The following MAP1A variants were observed in gnomAD, a reference collection of about 807,000 sequenced individuals.
MAP1A encodes microtubule associated protein 1A, also known as microtubule-associated protein 1A.
A neutral mutation model predicts 185.9 loss-of-function variants in MAP1A; 42 were observed. The ratio of observed to expected loss-of-function variants is 0.23; its 90% CI spans 0.18 to 0.29. The LOEUF (loss-of-function observed/expected upper bound fraction) is 0.29, where lower values mean the gene tolerates loss of function less well. Ranked by LOEUF, MAP1A falls within the 10% of genes least tolerant of loss-of-function variation. The pLI is 1.00. For synonymous variants in MAP1A, 1,229 were observed against 1,335.9 expected (o/e 0.92, Z 1.74); for missense variants, 2,995 against 3,450.4 (o/e 0.87, Z 3.31).
rs2079367080 is a variant in MAP1A at position 43,530,369 on chromosome 15, T to TG, written c.*148dup. 2 of 985,724 alleles carry TG rather than the reference T, an allele frequency of 2.0e-6. No homozygotes were observed. The highest frequency in any genetic ancestry group is 2.9e-6 in the Non-Finnish European group (2 of 680,268). The allele number at this position is 985,724 out of a possible 1,614,324, so 61.1% of individuals were successfully genotyped here. ...TTGTGGGGACTTGGGCTGGGCTAAA[T>TG]GGGAGGGGTTGTCCCTCCCCATCAT... On this transcript the variant is annotated 3_prime_UTR_variant, in exon 6 of 6. Transcript: ENST00000300231.
chr15:43,522,046 C>T lies in MAP1A; in HGVS notation c.573C>T (p.His191=). 6.2e-7 allele frequency: 1 copy of T among 1,614,146 alleles called. No homozygotes were observed. The highest frequency in any genetic ancestry group is 8.5e-7 in the Non-Finnish European group (1 of 1,180,004). The change falls in exon 4 of 6, where the codon CAC becomes CAT. Residue 191 remains histidine, a synonymous_variant. Coordinates refer to ENST00000300231, the MANE Select transcript of MAP1A (RefSeq NM_002373.6). This position sits in a 1 kb window ranked among gnomAD's most constrained non-coding sequence, Gnocchi z 5.9. ...SNTIEPLTLF[H]KMGVGRLDMY... is the part of the protein sequence containing the mutation. The stretch of plus-strand genomic sequence containing the variant: ...CCATTGAGCCACTGACCCTCTTCCA[C>T]AAAATGGGTGTGGGCCGGCTGGACA...
rs1475426117 is a variant in MAP1A at position 43,528,300 on chromosome 15, C to T, written c.6827C>T (p.Ser2276Phe). The part of the protein sequence containing the change: ...PVISSVAERF[S>F]PSLEAAEQES... ...ATTTCAAGTGTGGCGGAGCGCTTCT[C>T]TCCAAGCCTTGAGGCTGCAGAACAG... Residue 2276 changes from serine to phenylalanine, a missense_variant, in exon 4 of 6, where the codon TCT becomes TTT. Ser to Phe is a radical substitution (Grantham distance 155). Transcript: ENST00000300231. 1 of 1,614,000 alleles carries T rather than the reference C, an allele frequency of 6.2e-7. No individual in the cohort carries two copies. Among genetic ancestry groups the T allele is most frequent in the Non-Finnish European group, 8.5e-7 (1 of 1,180,050 alleles).
Position 43,521,396 on chromosome 15 carries a change from G to A in MAP1A, c.-78G>A. 1 of 1,613,980 alleles carries A rather than the reference G, an allele frequency of 6.2e-7. No homozygotes were observed. The highest frequency in any genetic ancestry group is 8.5e-7 in the Non-Finnish European group (1 of 1,179,976). On this transcript the variant is annotated 5_prime_UTR_variant, in exon 4 of 6. Transcript: ENST00000300231. This position sits in a 1 kb window ranked among gnomAD's most constrained non-coding sequence, Gnocchi z 4.6. ...TACCGTGTCCTGCTTAGGGGAAGGT[G>A]ATTGGAGCCACCTGGGATTATCCAG...
Position 43,526,856 on chromosome 15 carries a change from A to C in MAP1A, c.5383A>C (p.Ile1795Leu), listed in dbSNP as rs758619468. The change falls in exon 4 of 6, where the codon ATC becomes CTC. Residue 1795 changes from isoleucine to leucine, a missense_variant. Ile to Leu is a conservative substitution (Grantham distance 5, BLOSUM62 2). Coordinates refer to ENST00000300231, the MANE Select transcript of MAP1A (RefSeq NM_002373.6). The surrounding 1 kb of genome is among the most constrained non-coding windows in gnomAD (Gnocchi z 4.7). ...CAAACTGACCCGCTCTCCCTTTGAG[A>C]TCATCTCCCCTCCAGCTTCCCCACC... Reference protein sequence around the residue: ...EDKLTRSPFEIISPPASPPEM... With the variant: ...EDKLTRSPFELISPPASPPEM... 7.4e-6 allele frequency: 12 copies of C among 1,614,026 alleles called. No homozygotes were observed. The highest frequency in any genetic ancestry group is 1.0e-5 in the Non-Finnish European group (12 of 1,179,988).
rs898718782 is a variant in MAP1A, at chr15:43,530,351, G to T, written c.*127G>T. 1.7e-4 allele frequency: 211 copies of T among 1,250,856 alleles called. No homozygotes were observed. The highest frequency in any genetic ancestry group is 6.6e-4 in the Admixed American group (27 of 40,766). The allele number at this position is 1,250,856 out of a possible 1,614,324, so 77.5% of individuals were successfully genotyped here. ...GGGGAGGGAGATGTCTTGTTGTGGG[G>T]ACTTGGGCTGGGCTAAATGGGAGGG... On this transcript the variant is annotated 3_prime_UTR_variant, in exon 6 of 6. Transcript: ENST00000300231.
At position 43,523,730 on chromosome 15, in the gene MAP1A, G is replaced by A; in HGVS notation, c.2257G>A (p.Glu753Lys). The A allele has an allele frequency of 6.2e-7, 1 of 1,613,998 alleles. No homozygotes were observed. Among genetic ancestry groups the A allele is most frequent in the Non-Finnish European group, 8.5e-7 (1 of 1,179,968 alleles). Residue 753 changes from glutamate (E) to lysine (K), a missense_variant, in exon 4 of 6, where the codon GAG (glutamate) becomes AAG (lysine). Physicochemically the swap from Glu to Lys is moderately conservative, Grantham distance 56. Coordinates refer to ENST00000300231, the MANE Select transcript of MAP1A (RefSeq NM_002373.6). ...AGAGACTGAGCAGACCATCTCAGAT[G>A]AGGAGATCCATGATGAGCCGGAGGA... ...YSETEQTISD[E>K]EIHDEPEERP...
upstream of MAP1A, among the ~76,000 whole-genome samples, chr15:43,512,821 A>C (rs1236961297): frequency 6.6e-6 from 1 of 152,186 alleles, no homozygotes; most frequent in African/African-American, 2.4e-5. Flanking sequence ...GGCACCATCA[A>C]ATCCAGAGTG....
exon 1 of MAP1A, chr15:43,510,965 G>T: frequency 6.7e-7 from 1 of 1,495,468 alleles, no homozygotes; most frequent in South Asian, 1.2e-5. Context: ...GAAGCTGCCG[G>T]ACTAACACTC....
rs771816025 is a variant in MAP1A at position 43,524,934 on chromosome 15, C to T, written c.3461C>T (p.Ser1154Phe). 5 of 1,614,062 alleles carry T rather than the reference C, an allele frequency of 3.1e-6. No individual in the cohort carries two copies. Among genetic ancestry groups the T allele is most frequent in the Non-Finnish European group, 4.2e-6 (5 of 1,180,038 alleles). The change falls in exon 4 of 6, where the codon TCT becomes TTT. Residue 1154 changes from serine (S) to phenylalanine (F), a missense_variant. Coordinates refer to ENST00000300231, the MANE Select transcript of MAP1A (RefSeq NM_002373.6). ...SLSPEDAESL[S>F]VLSVPSPDTA... ...TCTCCTGAAGATGCAGAATCCCTCT[C>T]TGTCCTCAGCGTGCCCTCCCCAGAC...
rs752880320 is a variant in MAP1A at position 43,525,186 on chromosome 15, G to A, written c.3713G>A (p.Gly1238Glu). The A allele has an allele frequency of 1.2e-6, 2 of 1,614,060 alleles. No homozygotes were observed. Among genetic ancestry groups the A allele is most frequent in the Non-Finnish European group, 1.7e-6 (2 of 1,180,016 alleles). ...GELNLGKEEM[G>E]HLMQAEDTSH... ...CTAAACCTTGGGAAGGAAGAAATGG[G>A]GCATCTGATGCAGGCCGAGGATACC... Residue 1238 changes from glycine to glutamate, a missense_variant, in exon 4 of 6, where the codon GGG (glycine) becomes GAG (glutamate). Gly to Glu is a moderately conservative substitution (Grantham distance 98). Around this residue, in one of 3 missense-constraint regions of MAP1A, gnomAD observed 2,728 missense variants for 2,986.0 expected, o/e 0.91. Coordinates refer to ENST00000300231, the MANE Select transcript of MAP1A (RefSeq NM_002373.6).
chr15:43,523,584 T>G lies in MAP1A; in HGVS notation c.2111T>G (p.Leu704Trp). 6.2e-7 allele frequency: 1 copy of G among 1,614,084 alleles called. No individual in the cohort carries two copies. Among genetic ancestry groups the G allele is most frequent in the Non-Finnish European group, 8.5e-7 (1 of 1,180,006 alleles). ...CGGGAGGCTTTTGGGGGTCGGGAAT[T>G]GGGACTCCAGGGCAAGGCCCCTGAG... is the stretch of plus-strand genomic sequence containing the variant. ...RSREAFGGRE[L>W]GLQGKAPEKE... is the part of the protein sequence containing the mutation. Residue 704 changes from leucine (L) to tryptophan (W), a missense_variant, in exon 4 of 6, where the codon TTG becomes TGG. This residue lies in a region of MAP1A where 2,728 missense variants were observed against 2,986.0 expected (regional missense o/e 0.91). Coordinates refer to ENST00000300231, the MANE Select transcript of MAP1A (RefSeq NM_002373.6).
At chr15:43,518,853 T>A (rs2079309141) in intron 1 of MAP1A, among the ~76,000 whole-genome samples, 1 of 152,032 alleles carries the variant, frequency 6.6e-6, no homozygotes. Flanking sequence ...CTCCCAGGCC[T>A]GAAAAAGAGA....
intron 2 of MAP1A, 44 bp downstream of exon 2, chr15:43,520,767 T>C: frequency 6.9e-7 from 1 of 1,457,532 alleles, no homozygotes; most frequent in Non-Finnish European, 9.4e-7. Context: ...CTGGTGCAAG[T>C]GCTATACCCA....
Position 43,528,096 on chromosome 15 carries a change from C to T in MAP1A, c.6623C>T (p.Pro2208Leu), listed in dbSNP as rs750415956. The T allele has an allele frequency of 2.9e-5, 46 of 1,613,934 alleles. No homozygotes were observed. In the South Asian group the frequency reaches 4.2e-4, roughly 15 times the overall value. ...CGAGCTCTGGCTCTGGCTCCAGGAC[C>T]CCCCACCAGAACCCGGCATGATGAA... is the stretch of plus-strand genomic sequence containing the variant. ...GDRALALAPG[P>L]PTRTRHDEYL... is the part of the protein sequence containing the mutation. The change falls in exon 4 of 6, where the codon CCC becomes CTC. Residue 2208 changes from proline to leucine, a missense_variant. Coordinates refer to ENST00000300231, the MANE Select transcript of MAP1A (RefSeq NM_002373.6).
At position 43,511,042 on chromosome 15, in the gene MAP1A, TC is replaced by T. The variant is rs1239222643; in HGVS notation, c.56del (p.Pro19ArgfsTer40). On this transcript the variant is annotated frameshift_variant, in exon 1 of 7. Transcript: ENST00000382031. LOFTEE classifies it high-confidence loss of function. ...CTCACGGCGTTGCCATGGAGACAAC[TC>T]CGGGGCTGGGGCTCCGAAGTCCCGG... 1.4e-5 allele frequency: 22 copies of T among 1,548,930 alleles called. No homozygotes were observed. The highest frequency in any genetic ancestry group is 1.7e-5 in the Non-Finnish European group (20 of 1,146,340).
rs2140205558 is a variant in MAP1A, at chr15:43,522,461, G to A, written c.988G>A (p.Ala330Thr). 1.9e-6 allele frequency: 3 copies of A among 1,614,120 alleles called. No homozygotes were observed. The highest frequency in any genetic ancestry group is 2.5e-6 in the Non-Finnish European group (3 of 1,180,012). ...GAGCCTCAAAGCCACTACCAAGACG[G>A]CCGTGAGCAAGTTGGCCAAACGGGA... is the stretch of plus-strand genomic sequence containing the variant. ...KESLKATTKT[A>T]VSKLAKREEV... The change falls in exon 4 of 6, where the codon GCC (alanine) becomes ACC (threonine). Residue 330 changes from alanine to threonine, a missense_variant. Physicochemically the swap from Ala to Thr is moderately conservative, Grantham distance 58. This residue lies in a region of MAP1A where 264 missense variants were observed against 435.3 expected (regional missense o/e 0.61). Coordinates refer to ENST00000300231, the MANE Select transcript of MAP1A (RefSeq NM_002373.6). This position sits in a 1 kb window ranked among gnomAD's most constrained non-coding sequence, Gnocchi z 5.9.
In MAP1A at chr15:43,529,357, C is replaced by T. The variant is rs1295732696; in HGVS notation, c.7884C>T (p.Arg2628=). 4 of 1,613,998 alleles carry T rather than the reference C, an allele frequency of 2.5e-6. No homozygotes were observed. The highest frequency in any genetic ancestry group is 3.4e-6 in the Non-Finnish European group (4 of 1,180,026). ...PARRLDLRGK[R]SPTPGKGPAD... Reference sequence around the variant, plus strand: ...GGCGTCTGGATCTTCGGGGAAAACGCTCACCCACCCCTGGTAAAGGGCCTG... The same window carrying T: ...GGCGTCTGGATCTTCGGGGAAAACGTTCACCCACCCCTGGTAAAGGGCCTG... The change falls in exon 4 of 6, where the codon CGC becomes CGT. Residue 2628 remains arginine (R), a synonymous_variant. Transcript: ENST00000300231. This position sits in a 1 kb window ranked among gnomAD's most constrained non-coding sequence, Gnocchi z 4.3.
At chr15:43,512,437 C>T (rs754002799) in intron 2 of MAP1A, 6 of 634,628 alleles carry the variant, frequency 9.5e-6, no homozygotes, top group Non-Finnish European at 1.4e-5. Flanking sequence ...AATTCCATAG[C>T]TGTCCCCACA....
In MAP1A at chr15:43,512,403, C is replaced by T. The variant is rs923087586; in HGVS notation, c.340+112C>T. ...GTTTGAGTGGAGGAGAAGGGAGGAACTTTATAGAGGAGGAAAATCATGGAA... is the reference window on the plus strand; with the variant it reads ...GTTTGAGTGGAGGAGAAGGGAGGAATTTTATAGAGGAGGAAAATCATGGAA... On this transcript the variant is annotated intron_variant, in intron 2 of 6. Transcript: ENST00000382031. The T allele has an allele frequency of 1.7e-5, 12 of 709,094 alleles. No individual in the cohort carries two copies. In the African/African-American group the frequency reaches 2.1e-4, roughly 13 times the overall value. 43.9% of individuals were successfully genotyped at this position (709,094 alleles called of 1,614,324 possible).
Sources: allele counts gnomAD v4.1 joint callset (sites outside exome capture counted in the v4.1 genomes callset), GRCh38; gene constraint gnomAD v4.1.1; regional missense constraint gnomAD v4.1.1; non-coding constraint Gnocchi (gnomAD v3.1); transcripts MANE v1.5; gene names NCBI Gene and HGNC (gene_info 2026-07-23, HGNC 2026-07-21).